The following PDXK variants were observed in gnomAD, a reference collection of about 807,000 sequenced individuals.
PDXK encodes pyridoxal kinase, also known as epididymis secretory sperm binding protein Li 1a.
In PDXK, 15 loss-of-function variants were observed where a neutral mutation model predicts 43.2. The observed-to-expected ratio is 0.35, with a 90% CI of 0.23 to 0.53. The LOEUF is 0.53. Among genes scored for constraint, PDXK ranks in the 20% least tolerant of loss-of-function variants. PDXK has a pLI of 0.92. For synonymous variants in PDXK, 172 were observed against 165.4 expected (o/e 1.04, Z -0.31); for missense variants, 343 against 417.0 (o/e 0.82, Z 1.54).
Position 43,758,739 on chromosome 21 carries a change from A to G in PDXK, c.*2676A>G, listed in dbSNP as rs1021882094. 6.6e-6 allele frequency: 1 copy of G among 152,410 alleles called. No individual in the cohort carries two copies. Among genetic ancestry groups the G allele is most frequent in the Non-Finnish European group, 1.5e-5 (1 of 68,054 alleles). The allele number at this position is 152,410 out of a possible 1,614,324, so 9.4% of individuals were successfully genotyped here. A position where few individuals can be genotyped will look rare whatever the true frequency, so the allele number is the denominator to read the frequency against. On this transcript the variant is annotated 3_prime_UTR_variant, in exon 11 of 11. Transcript: ENST00000291565. ...AAGAATTTATTTTAAGGTGACAGCT[A>G]TACTGGTCCAACATCGCCTGCTTAT...
rs758883185 is a variant in PDXK, at chr21:43,746,122, G to A, written c.375G>A (p.Ser125=). The A allele has an allele frequency of 4.3e-6, 7 of 1,611,972 alleles. No individual in the cohort carries two copies. The highest frequency in any genetic ancestry group is 1.3e-5 in the African/African-American group (1 of 74,892). Residue 125 remains serine (S), a synonymous_variant, in exon 5 of 11, where the codon TCG becomes TCA. Coordinates refer to ENST00000291565, the MANE Select transcript of PDXK (RefSeq NM_003681.5). ...GTGACAAGTGGGACGGCGAAGGCTC[G>A]ATGGTGAGTAGTTTCACGTGTGTGA... The part of the protein sequence containing the change: ...VLGDKWDGEG[S]MYVPEDLLPV...
intron 3 of PDXK, among the ~76,000 whole-genome samples, chr21:43,742,464 G>C (rs898478410): frequency 6.6e-6 from 1 of 152,188 alleles, no homozygotes; most frequent in East Asian, 1.9e-4. Flanking sequence ...TTACAGGCGT[G>C]AGCCACTGCA....
At chr21:43,731,174 G>A (rs1474064252) in intron 1 of PDXK, among the ~76,000 whole-genome samples, 5 of 152,118 alleles carry the variant, frequency 3.3e-5, no homozygotes, top group African/African-American at 1.2e-4. Flanking sequence ...ACGTAAAACT[G>A]ACCTGCACTA....
At chr21:43,745,062 T>C (rs1007757975) in intron 4 of PDXK, among the ~76,000 whole-genome samples, 2 of 152,110 alleles carry the variant, frequency 1.3e-5, no homozygotes, top group African/African-American at 4.8e-5. Context: ...GAAAGGCCAG[T>C]TCATCGAGGT....
In PDXK at chr21:43,753,530, C is replaced by T. The variant is rs1011150310; in HGVS notation, c.623-53C>T. ...AGGAGGATCAGGGATGGGAGGCTGG[C>T]CCTGGCAGAGGAGCGGCAGATCTCA... On this transcript the variant is annotated intron_variant, in intron 8 of 10. Transcript: ENST00000291565. The T allele has an allele frequency of 7.7e-6, 12 of 1,564,466 alleles. No individual in the cohort carries two copies. The Admixed American group carries it at 2.1e-4, about 27-fold the overall frequency.
intron 1 of PDXK, among the ~76,000 whole-genome samples, chr21:43,725,281 C>T (rs1393300419): frequency 6.6e-6 from 1 of 152,062 alleles, no homozygotes; most frequent in African/African-American, 2.4e-5. Context: ...CGAGATCGCG[C>T]CACTGCACTC....
At chr21:43,750,355 G>A (rs1488021884) in intron 6 of PDXK, 145 bp from the exon 7 acceptor site, 27 of 680,532 alleles carry the variant, frequency 4.0e-5, no homozygotes, top group East Asian at 3.6e-4. Context: ...CAGGGGCCCC[G>A]GCCCAGGGTG....
At chr21:43,727,376 C>T (rs998557192) in intron 1 of PDXK, among the ~76,000 whole-genome samples, 1 of 152,202 alleles carries the variant, frequency 6.6e-6, no homozygotes, top group Non-Finnish European at 1.5e-5. Flanking sequence ...TCCCTTCCTG[C>T]CCACAGAGCA....
chr21:43,758,498 G>C lies in PDXK; in HGVS notation c.*2435G>C, dbSNP rs1021408579. 1 of 153,552 alleles carries C rather than the reference G, an allele frequency of 6.5e-6. No homozygotes were observed. Among genetic ancestry groups the C allele is most frequent in the Non-Finnish European group, 1.5e-5 (1 of 68,078 alleles). The allele number at this position is 153,552 out of a possible 1,614,324, so 9.5% of individuals were successfully genotyped here. A position where few individuals can be genotyped will look rare whatever the true frequency, so the allele number is the denominator to read the frequency against. ...CCCAGACTGCCTGCTGTCAAACCAC[G>C]GAGCAGCTGGAGCCTGCCCTGTCCA... On this transcript the variant is annotated 3_prime_UTR_variant, in exon 11 of 11. Coordinates refer to ENST00000291565, the MANE Select transcript of PDXK (RefSeq NM_003681.5).
rs989804239 is a variant in PDXK, at chr21:43,735,185, G to A, written c.142+1062G>A. Among the ~76,000 whole-genome samples the A allele has an allele frequency of 4.6e-5, 7 of 152,214 alleles. No individual in the cohort carries two copies. The highest frequency in any genetic ancestry group is 8.8e-5 in the Non-Finnish European group (6 of 68,038). On this transcript the variant is annotated intron_variant, in intron 2 of 10. Transcript: ENST00000291565. This position sits in a 1 kb window ranked among gnomAD's most constrained non-coding sequence, Gnocchi z 5.3. ...TGCTGTGAGATTTGGAGACGTCCCC[G>A]AAGACTCAGGCCCTCCAGGAGCCTC...
intron 7 of PDXK, among the ~76,000 whole-genome samples, chr21:43,752,273 G>A (rs112877959): frequency 6.6e-6 from 1 of 152,232 alleles, no homozygotes; most frequent in Admixed American, 6.5e-5. Context: ...GGAGGCCCTC[G>A]CCAGTCACCT....
intron 7 of PDXK, among the ~76,000 whole-genome samples, chr21:43,751,905 G>A (rs577969706): frequency 2.4e-3 from 373 of 152,346 alleles, no homozygotes; most frequent in South Asian, 5.4e-3. Flanking sequence ...GCGTTCCCAA[G>A]CAGCCTGGCG....
chr21:43,731,175 A>T (rs1298032453), intron 1 of PDXK, among the ~76,000 whole-genome samples: 1 of 152,108 alleles, frequency 6.6e-6, no homozygotes, highest in African/African-American at 2.4e-5. Flanking sequence ...CGTAAAACTG[A>T]CCTGCACTAT....
Position 43,737,655 on chromosome 21 carries a change from C to T in PDXK, c.142+3532C>T. 2 of 984,964 alleles carry T rather than the reference C, an allele frequency of 2.0e-6. No homozygotes were observed. The highest frequency in any genetic ancestry group is 2.4e-6 in the Non-Finnish European group (2 of 830,608). 61.0% of individuals were successfully genotyped at this position (984,964 alleles called of 1,614,324 possible). A position where few individuals can be genotyped will look rare whatever the true frequency, so the allele number is the denominator to read the frequency against. ...GGTGTGAACACAAGGAGCTGCGGGGCTGGAGAAGGCCAGGGCCAGGAGCCT... is the reference window on the plus strand; with the variant it reads ...GGTGTGAACACAAGGAGCTGCGGGGTTGGAGAAGGCCAGGGCCAGGAGCCT... On this transcript the variant is annotated intron_variant, in intron 2 of 10. Coordinates refer to ENST00000291565, the MANE Select transcript of PDXK (RefSeq NM_003681.5). This position sits in a 1 kb window ranked among gnomAD's most constrained non-coding sequence, Gnocchi z 4.8.
chr21:43,720,042 A>C (rs2083193978), intron 1 of PDXK: 1 of 624,010 alleles, frequency 1.6e-6, no homozygotes, highest in African/African-American at 2.0e-5. Flanking sequence ...AGCCCCAGAG[A>C]GCAGTTCGGG....
In PDXK at chr21:43,735,977, G is replaced by A. The variant is rs1487999240; in HGVS notation, c.142+1854G>A. On this transcript the variant is annotated intron_variant, in intron 2 of 10. Transcript: ENST00000291565. The surrounding 1 kb of genome is among the most constrained non-coding windows in gnomAD (Gnocchi z 5.3). Reference sequence around the variant, plus strand: ...TGCCACGGGAGCTGGTGGTCAAGACGGGGGACTCGGCCTCCTCCGTGCAGC... The same window carrying A: ...TGCCACGGGAGCTGGTGGTCAAGACAGGGGACTCGGCCTCCTCCGTGCAGC... 2.6e-5 allele frequency among the ~76,000 whole-genome samples: 4 copies of A among 152,152 alleles called. No individual in the cohort carries two copies. The highest frequency in any genetic ancestry group is 4.8e-5 in the African/African-American group (2 of 41,434).
Position 43,734,041 on chromosome 21 carries a change from G to A in PDXK, c.88-28G>A, listed in dbSNP as rs761670747. ...GGGACCCCAGACCTGGCTCTCTTAC[G>A]CCTACCTGTTCCTTCTCTGTCTTGC... is the stretch of plus-strand genomic sequence containing the variant. On this transcript the variant is annotated intron_variant, in intron 1 of 10. Transcript: ENST00000291565. This position sits in a 1 kb window ranked among gnomAD's most constrained non-coding sequence, Gnocchi z 5.0. 11 of 1,612,512 alleles carry A rather than the reference G, an allele frequency of 6.8e-6. No individual in the cohort carries two copies. Among genetic ancestry groups the A allele is most frequent in the East Asian group, 4.5e-5 (2 of 44,886 alleles).
Position 43,759,009 on chromosome 21 carries a change from C to A in PDXK, c.*2946C>A, listed in dbSNP as rs1489795669. 6.6e-6 allele frequency: 1 copy of A among 152,224 alleles called. No individual in the cohort carries two copies. Among genetic ancestry groups the A allele is most frequent in the African/African-American group, 2.4e-5 (1 of 41,454 alleles). 9.4% of individuals were successfully genotyped at this position (152,224 alleles called of 1,614,324 possible). A position where few individuals can be genotyped will look rare whatever the true frequency, so the allele number is the denominator to read the frequency against. The stretch of plus-strand genomic sequence containing the variant: ...GCCAGTTTTGAAACGTTTGGTCTTA[C>A]CGTGAACGGAGGCTGGCTTGGCTTA... On this transcript the variant is annotated 3_prime_UTR_variant, in exon 11 of 11. Coordinates refer to ENST00000291565, the MANE Select transcript of PDXK (RefSeq NM_003681.5).
rs1245416478 is a variant in PDXK at position 43,759,224 on chromosome 21, T to A, written c.*3161T>A. ...GTGTCAGAGAAGGCAGAGCCCACAG[T>A]AGGTGCACGGTGCAAGGCCCTGGGA... is the stretch of plus-strand genomic sequence containing the variant. On this transcript the variant is annotated 3_prime_UTR_variant, in exon 11 of 11. Coordinates refer to ENST00000291565, the MANE Select transcript of PDXK (RefSeq NM_003681.5). 6.5e-6 allele frequency: 1 copy of A among 153,104 alleles called. No individual in the cohort carries two copies. Among genetic ancestry groups the A allele is most frequent in the Non-Finnish European group, 1.5e-5 (1 of 68,062 alleles). 9.5% of individuals were successfully genotyped at this position (153,104 alleles called of 1,614,324 possible). A position where few individuals can be genotyped will look rare whatever the true frequency, so the allele number is the denominator to read the frequency against.
Sources: gnomAD v4.1 joint callset for allele counts (sites outside exome capture counted in the v4.1 genomes callset) on GRCh38, gnomAD v4.1.1 for gene constraint, Gnocchi (gnomAD v3.1) non-coding constraint, MANE v1.5 for transcripts, NCBI Gene and HGNC (gene_info 2026-07-23, HGNC 2026-07-21) for gene names.